The following DRC8 variants were observed in gnomAD, a reference collection of about 807,000 sequenced individuals.
DRC8 encodes dynein regulatory complex subunit 8.
the DRC8 span, among the ~76,000 whole-genome samples, chr1:244,980,218 C>CAAAAAAAAAAAAA: frequency 3.1e-5 from 2 of 64,976 alleles, no homozygotes; most frequent in Admixed American, 1.7e-4. Context: ...GACTCCGTCT[C>CAAAAAAAAAAAAA]AAAAAAAAAA....
chr1:244,985,194 T>C, the DRC8 span, among the ~76,000 whole-genome samples: 19 of 151,326 alleles, frequency 1.3e-4, no homozygotes, highest in African/African-American at 4.4e-4. Context: ...GTAATGAAAG[T>C]GCTAGCCTGC....
chr1:244,992,707 C>T, the DRC8 span, among the ~76,000 whole-genome samples: 2,393 of 152,084 alleles, frequency 0.016, 74 homozygotes, highest in African/African-American at 0.054. Flanking sequence ...GCCACTGCAC[C>T]GCAGCCTGGG....
chr1:244,975,690 C>G, the DRC8 span, among the ~76,000 whole-genome samples: 1 of 151,942 alleles, frequency 6.6e-6, no homozygotes, highest in Non-Finnish European at 1.5e-5. Context: ...GAAACCCTGT[C>G]TCTACTAAAA....
At chr1:245,084,936 A>T in the DRC8 span, among the ~76,000 whole-genome samples, 1 of 152,228 alleles carries the variant, frequency 6.6e-6, no homozygotes, top group African/African-American at 2.4e-5. Context: ...ATTAATTCTG[A>T]TGGGGATGTT....
At chr1:245,039,288 A>G in the DRC8 span, among the ~76,000 whole-genome samples, 4 of 141,220 alleles carry the variant, frequency 2.8e-5, no homozygotes, top group African/African-American at 1.1e-4. Flanking sequence ...ACATAATGAA[A>G]CCTTGTCTCT....
chr1:245,105,023 G>A, the DRC8 span, among the ~76,000 whole-genome samples: 9 of 152,194 alleles, frequency 5.9e-5, no homozygotes, highest in East Asian at 1.9e-4. Flanking sequence ...GGACTTGTCC[G>A]ATTGCATTTC....
At chr1:245,096,952 T>G in the DRC8 span, among the ~76,000 whole-genome samples, 1 of 152,254 alleles carries the variant, frequency 6.6e-6, no homozygotes, top group Non-Finnish European at 1.5e-5. Flanking sequence ...CATGATGGGC[T>G]GTCTGCACAC....
At chr1:244,995,098 C>G in the DRC8 span, among the ~76,000 whole-genome samples, 1 of 151,890 alleles carries the variant, frequency 6.6e-6, no homozygotes, top group Middle Eastern at 3.4e-3. Context: ...CGCGGTGGCT[C>G]ACACCTGTCA....
the DRC8 span, among the ~76,000 whole-genome samples, chr1:245,024,978 G>T: frequency 2.0e-5 from 3 of 151,882 alleles, no homozygotes; most frequent in Middle Eastern, 6.8e-3. Flanking sequence ...TATATGAAAG[G>T]TCTCAGCCTT....
the DRC8 span, among the ~76,000 whole-genome samples, chr1:245,115,876 A>G: frequency 2.1e-5 from 3 of 140,514 alleles, no homozygotes; most frequent in Non-Finnish European, 4.6e-5. Flanking sequence ...CAACAGAGTG[A>G]GATCCTATCT....
the DRC8 span, among the ~76,000 whole-genome samples, chr1:245,106,090 A>G: frequency 2.0e-5 from 3 of 152,222 alleles, no homozygotes; most frequent in Non-Finnish European, 4.4e-5. Flanking sequence ...TATGCATTTT[A>G]CTTTCGTAAG....
At chr1:245,122,105 T>C in the DRC8 span, 1 of 260,120 alleles carries the variant, frequency 3.8e-6, no homozygotes, top group Non-Finnish European at 7.5e-6. Flanking sequence ...CACCATGGTC[T>C]GGTGACCTCC....
the DRC8 span, among the ~76,000 whole-genome samples, chr1:244,974,655 GT>G: frequency 2.7e-5 from 4 of 149,262 alleles, no homozygotes; most frequent in African/African-American, 4.9e-5. Flanking sequence ...TAACGTCTTT[GT>G]TTTTTTTTTC....
At chr1:245,017,391 G>T in the DRC8 span, 2 of 1,473,086 alleles carry the variant, frequency 1.4e-6, no homozygotes, top group Non-Finnish European at 1.8e-6. Context: ...AGATACAAGA[G>T]AGCTATTTTC....
chr1:244,993,956 G>T, the DRC8 span, among the ~76,000 whole-genome samples: 9 of 151,286 alleles, frequency 5.9e-5, no homozygotes, highest in African/African-American at 2.2e-4. Context: ...TTTTTTTTTG[G>T]TATACTTTTT....
chr1:244,989,956 C>T, the DRC8 span, among the ~76,000 whole-genome samples: 1 of 152,260 alleles, frequency 6.6e-6, no homozygotes, highest in Non-Finnish European at 1.5e-5. Flanking sequence ...AAATCTCTCT[C>T]TGTCCTACCA....
chr1:245,091,184 G>A, the DRC8 span: 1 of 152,366 alleles, frequency 6.6e-6, no homozygotes, highest in Non-Finnish European at 1.5e-5. Flanking sequence ...GTGATCCTCG[G>A]AACATCAGCA....
At chr1:245,064,087 C>T in the DRC8 span, among the ~76,000 whole-genome samples, 10 of 152,198 alleles carry the variant, frequency 6.6e-5, no homozygotes, top group African/African-American at 2.4e-4. Context: ...CCATAGTTGT[C>T]GTCTGGAAGA....
chr1:245,109,550 C>T, the DRC8 span, among the ~76,000 whole-genome samples: 4 of 152,204 alleles, frequency 2.6e-5, no homozygotes, highest in South Asian at 4.1e-4. Context: ...CATCACCCTT[C>T]GCTTTTAGGT....
Sources: allele counts gnomAD v4.1 joint callset (sites outside exome capture counted in the v4.1 genomes callset), GRCh38; gene constraint gnomAD v4.1.1; transcripts MANE v1.5; gene names NCBI Gene and HGNC (gene_info 2026-07-23, HGNC 2026-07-21).